Variants in CNTN3 observed in about 807,000 individuals in gnomAD.
CNTN3 encodes contactin-3.
A neutral mutation model predicts 119.1 loss-of-function variants in CNTN3; 60 were observed. The observed-to-expected ratio is 0.50, with a 90% CI of 0.41 to 0.62. The LOEUF (loss-of-function observed/expected upper bound fraction) is 0.62, where lower values mean the gene tolerates loss of function less well. CNTN3 is among the 20% of genes least tolerant of loss of function. CNTN3 has a pLI of 0.00. For synonymous variants in CNTN3, 450 were observed against 438.7 expected, an observed-to-expected ratio of 1.03 and a Z score of -0.32; for missense variants, 1,101 against 1,242.4, an observed-to-expected ratio of 0.89 and a Z score of 1.71.
chr3:74,490,368 T>G (rs571759551), intron 3 of CNTN3, among the ~76,000 whole-genome samples: 1 of 152,286 alleles, frequency 6.6e-6, no homozygotes, highest in South Asian at 2.1e-4. Flanking sequence ...AGAGCAGTTT[T>G]TATAGGAAAA....
chr3:74,264,375 C>T lies in CNTN3; in HGVS notation c.*26G>A, dbSNP rs746924696. On this transcript the variant is annotated 3_prime_UTR_variant, in exon 23 of 23. Transcript: ENST00000263665. The stretch of plus-strand genomic sequence containing the variant: ...TTTTTTTGGTAACCAAATAACTTTC[C>T]AATAAATAATAAAAAGGAGTTAATA... The T allele has an allele frequency of 3.8e-6, 5 of 1,303,870 alleles. No individual in the cohort carries two copies. The highest frequency in any genetic ancestry group is 3.9e-4 in the Middle Eastern group (2 of 5,116). The allele number at this position is 1,303,870 out of a possible 1,614,324, so 80.8% of individuals were successfully genotyped here.
intron 4 of CNTN3, among the ~76,000 whole-genome samples, chr3:74,431,617 C>A (rs1304896404): frequency 6.6e-6 from 1 of 152,028 alleles, no homozygotes; most frequent in Non-Finnish European, 1.5e-5. Flanking sequence ...CCAAATAATT[C>A]TATGTAGACA....
intron 19 of CNTN3, among the ~76,000 whole-genome samples, chr3:74,291,594 T>C (rs1702232085): frequency 6.6e-6 from 1 of 152,182 alleles, no homozygotes; most frequent in Non-Finnish European, 1.5e-5. Context: ...TTAGCCAGGA[T>C]GGTCTCGATC....
intron 19 of CNTN3, among the ~76,000 whole-genome samples, chr3:74,294,077 G>A (rs1702285925): frequency 6.6e-6 from 1 of 152,180 alleles, no homozygotes; most frequent in Non-Finnish European, 1.5e-5. Flanking sequence ...GTGTTGGCAA[G>A]TGGAGGGGTA....
intron 1 of CNTN3, among the ~76,000 whole-genome samples, chr3:74,586,439 AC>A (rs1468636720): frequency 6.6e-6 from 1 of 152,106 alleles, no homozygotes; most frequent in Admixed American, 6.6e-5. Flanking sequence ...AACCTGCAAT[AC>A]TGATGAAGAA....
At chr3:74,400,895 TG>T (rs1188382243) in intron 5 of CNTN3, among the ~76,000 whole-genome samples, 2 of 152,188 alleles carry the variant, frequency 1.3e-5, no homozygotes, top group African/African-American at 4.8e-5. Flanking sequence ...AACTTTAATA[TG>T]GTATTTATGT....
intron 11 of CNTN3, among the ~76,000 whole-genome samples, chr3:74,351,568 A>T (rs1385472201): frequency 6.6e-6 from 1 of 152,256 alleles, no homozygotes. Flanking sequence ...TAAAGAAGCA[A>T]GTAAAACGTA....
intron 5 of CNTN3, among the ~76,000 whole-genome samples, chr3:74,377,928 T>C (rs892077493): frequency 6.6e-6 from 1 of 152,206 alleles, no homozygotes; most frequent in Non-Finnish European, 1.5e-5. Context: ...AGTTCCATTG[T>C]AAAATTATAT....
chr3:74,290,933 G>C (rs1166998228), intron 19 of CNTN3, among the ~76,000 whole-genome samples: 1 of 151,706 alleles, frequency 6.6e-6, no homozygotes, highest in East Asian at 1.9e-4. Context: ...AAGTTCGAGG[G>C]TACATGTGAA....
At chr3:74,482,759 C>T (rs1336198828) in intron 4 of CNTN3, among the ~76,000 whole-genome samples, 2 of 152,084 alleles carry the variant, frequency 1.3e-5, no homozygotes, top group African/African-American at 4.8e-5. Context: ...ACTTGAACAT[C>T]CATTTGCCTG....
chr3:74,433,187 C>T (rs745455084), intron 4 of CNTN3, among the ~76,000 whole-genome samples: 2 of 152,066 alleles, frequency 1.3e-5, no homozygotes, highest in Non-Finnish European at 2.9e-5. Flanking sequence ...AGATGGGAGT[C>T]GGGGGTATAC....
At chr3:74,375,897 T>C (rs903645065) in intron 5 of CNTN3, among the ~76,000 whole-genome samples, 2 of 152,124 alleles carry the variant, frequency 1.3e-5, no homozygotes, top group Non-Finnish European at 1.5e-5. Context: ...AGGGAAGTAA[T>C]GTACATGGCA....
chr3:74,523,536 C>G (rs1209482794), intron 1 of CNTN3, among the ~76,000 whole-genome samples: 3 of 151,804 alleles, frequency 2.0e-5, no homozygotes, highest in Non-Finnish European at 4.4e-5. Flanking sequence ...CTGGTACTTC[C>G]TTCTTCACAG....
At chr3:74,355,527 A>G (rs772113851) in intron 11 of CNTN3, among the ~76,000 whole-genome samples, 4 of 151,900 alleles carry the variant, frequency 2.6e-5, no homozygotes, top group Non-Finnish European at 5.9e-5. Flanking sequence ...AGGTCTCGGT[A>G]CACTGCAACC....
At chr3:74,305,627 A>G (rs1702547888) in intron 13 of CNTN3, among the ~76,000 whole-genome samples, 1 of 151,900 alleles carries the variant, frequency 6.6e-6, no homozygotes, top group South Asian at 2.1e-4. Flanking sequence ...AGCGTGAAGG[A>G]TATGAACCAG....
rs574867503 is a variant in CNTN3 at position 74,613,691 on chromosome 3, T to C, written c.-81+700A>G. 5.6e-4 allele frequency among the ~76,000 whole-genome samples: 85 copies of C among 152,316 alleles called. 1 individual carries two copies. Among genetic ancestry groups the C allele is most frequent in the African/African-American group, 1.9e-3 (79 of 41,592 alleles). On this transcript the variant is annotated intron_variant, in intron 1 of 22. Transcript: ENST00000263665. ...GACCAGAAAAAATTCCTGATGGTGC[T>C]ATGACCCCGGTGCCCGGTTGGCACT...
intron 4 of CNTN3, among the ~76,000 whole-genome samples, chr3:74,463,586 C>T (rs1412953536): frequency 1.3e-5 from 2 of 152,154 alleles, no homozygotes; most frequent in Non-Finnish European, 2.9e-5. Flanking sequence ...GCACCTCATG[C>T]AGACATATCT....
chr3:74,364,115 T>A lies in CNTN3; in HGVS notation c.1213+352A>T, dbSNP rs149160872. ...TGAATCAAATACGATTGATTCAAAT[T>A]TTGGTATTTGCTATTACGGACCAGC... On this transcript the variant is annotated intron_variant, in intron 10 of 22. Transcript: ENST00000263665. Among the ~76,000 whole-genome samples the A allele has an allele frequency of 2.7e-3, 409 of 152,168 alleles. 1 individual carries two copies. Among genetic ancestry groups the A allele is most frequent in the South Asian group, 3.9e-3 (19 of 4,822 alleles).
chr3:74,298,054 G>A lies in CNTN3; in HGVS notation c.2304C>T (p.Ile768=), dbSNP rs190326209. 8.7e-5 allele frequency: 140 copies of A among 1,613,988 alleles called. No individual in the cohort carries two copies. Among genetic ancestry groups the A allele is most frequent in the Admixed American group, 8.3e-5 (5 of 60,016 alleles). The change falls in exon 18 of 23, where the codon ATC becomes ATT. Residue 768 remains isoleucine (I), a synonymous_variant. Transcript: ENST00000263665. The stretch of plus-strand genomic sequence containing the variant: ...TAACTTCATATGGTGAATATGGCAC[G>A]ATGCTTTCATTCCTAAAGACATATC... ...TPRYVFRNES[I]VPYSPYEVKV... is the part of the protein sequence containing the mutation.
Sources: allele counts gnomAD v4.1 joint callset (sites outside exome capture counted in the v4.1 genomes callset), GRCh38; gene constraint gnomAD v4.1.1; transcripts MANE v1.5; gene names NCBI Gene and HGNC (gene_info 2026-07-23, HGNC 2026-07-21).